The following LSAMP variants were observed in gnomAD, a reference collection of about 807,000 sequenced individuals.
The protein encoded by LSAMP is limbic system associated membrane protein.
LSAMP carries 7 observed loss-of-function variants against 38.6 expected under a neutral mutation model. The ratio of observed to expected loss-of-function variants is 0.18; its 90% confidence interval spans 0.10 to 0.34. The LOEUF (loss-of-function observed/expected upper bound fraction) is 0.34, where lower values mean the gene tolerates loss of function less well. Ranked by LOEUF, LSAMP falls within the 10% of genes least tolerant of loss-of-function variation. The pLI is 1.00. For missense variants in LSAMP, 313 were observed against 420.0 expected, an observed-to-expected ratio of 0.75 and a Z score of 2.23; for synonymous variants, 154 against 166.8, an observed-to-expected ratio of 0.92 and a Z score of 0.59.
chr3:115,989,948 C>T (rs1939619980), intron 3 of LSAMP, among the ~76,000 whole-genome samples: 1 of 151,974 alleles, frequency 6.6e-6, no homozygotes, highest in African/African-American at 2.4e-5. Context: ...AAAAGAACAA[C>T]CCGTGTACAT....
At chr3:116,085,257 C>A (rs1458134338) in intron 2 of LSAMP, among the ~76,000 whole-genome samples, 2 of 152,126 alleles carry the variant, frequency 1.3e-5, no homozygotes, top group African/African-American at 4.8e-5. Context: ...AGAGGCCACA[C>A]GACTAAAGCA....
intron 3 of LSAMP, among the ~76,000 whole-genome samples, chr3:115,947,492 C>T (rs1302016205): frequency 6.6e-6 from 1 of 152,062 alleles, no homozygotes; most frequent in Non-Finnish European, 1.5e-5. Flanking sequence ...TTTATGGTGA[C>T]AGTATTTATG....
chr3:116,261,974 G>C (rs947176513), intron 1 of LSAMP, among the ~76,000 whole-genome samples: 1 of 151,462 alleles, frequency 6.6e-6, no homozygotes, highest in African/African-American at 2.4e-5. Context: ...AGTTGAGCAA[G>C]GGTTTTTATA....
chr3:116,145,333 A>AAGAG (rs879422635), intron 1 of LSAMP, among the ~76,000 whole-genome samples: 1 of 150,860 alleles, frequency 6.6e-6, no homozygotes, highest in African/African-American at 2.4e-5. Context: ...TATATATGGA[A>AAGAG]AGAGAGAGAG....
rs920694610 is a variant in LSAMP, at chr3:116,411,519, C to T, written c.155+33358G>A. Among the ~76,000 whole-genome samples, 7 of 149,908 alleles carry T rather than the reference C, an allele frequency of 4.7e-5. No homozygotes were observed. The Admixed American group carries it at 4.7e-4, about 10-fold the overall frequency. ...GAAATCATCATTCTCAGTAAACTAT[C>T]ACAAGGACAAAAAACCAAACACCGC... On this transcript the variant is annotated intron_variant, in intron 1 of 6. Coordinates refer to ENST00000490035, the MANE Select transcript of LSAMP (RefSeq NM_002338.5).
intron 1 of LSAMP, among the ~76,000 whole-genome samples, chr3:116,426,253 G>A (rs578083711): frequency 1.3e-5 from 2 of 152,178 alleles, no homozygotes; most frequent in South Asian, 2.1e-4. Context: ...TTGGGAGACC[G>A]AGCCGGGTGG....
chr3:115,859,697 A>G (rs1020601145), intron 3 of LSAMP, among the ~76,000 whole-genome samples: 1 of 152,236 alleles, frequency 6.6e-6, no homozygotes, highest in African/African-American at 2.4e-5. Context: ...GGCCAAATGA[A>G]AAAGAACATC....
At position 115,907,605 on chromosome 3, in the gene LSAMP, C is replaced by T. The variant is rs111846243; in HGVS notation, c.515-54988G>A. 3.4e-3 allele frequency among the ~76,000 whole-genome samples: 512 copies of T among 152,240 alleles called. 2 individuals are homozygous for T. Among genetic ancestry groups the T allele is most frequent in the African/African-American group, 0.012 (483 of 41,562 alleles). Reference sequence around the variant, plus strand: ...ATTCATCTCCTGACTTTGATCTCTTCGGGCTACTTCCCCAGTCAGACCCAT... The same window carrying T: ...ATTCATCTCCTGACTTTGATCTCTTTGGGCTACTTCCCCAGTCAGACCCAT... On this transcript the variant is annotated intron_variant, in intron 3 of 6. Coordinates refer to ENST00000490035, the MANE Select transcript of LSAMP (RefSeq NM_002338.5).
chr3:115,940,007 G>A (rs758120872), intron 3 of LSAMP, among the ~76,000 whole-genome samples: 3 of 152,042 alleles, frequency 2.0e-5, no homozygotes, highest in Non-Finnish European at 4.4e-5. Flanking sequence ...GTGGGTTCGT[G>A]GTCTCACAGA....
At chr3:116,103,382 T>G (rs1484205586) in intron 1 of LSAMP, among the ~76,000 whole-genome samples, 1 of 150,186 alleles carries the variant, frequency 6.7e-6, no homozygotes, top group Non-Finnish European at 1.5e-5. Context: ...ACAGAATCGC[T>G]TGAACCTGGG....
intron 3 of LSAMP, among the ~76,000 whole-genome samples, chr3:115,885,265 A>C (rs1936422769): frequency 6.6e-6 from 1 of 151,834 alleles, no homozygotes; most frequent in South Asian, 2.1e-4. Context: ...TCTTTAGGAG[A>C]GAGATTTATA....
At chr3:116,328,529 C>A (rs1301440445) in intron 1 of LSAMP, among the ~76,000 whole-genome samples, 1 of 152,130 alleles carries the variant, frequency 6.6e-6, no homozygotes, top group Non-Finnish European at 1.5e-5. Context: ...CTTCCATAAT[C>A]ATTAATTATT....
At chr3:115,985,717 T>C (rs146804484) in intron 3 of LSAMP, among the ~76,000 whole-genome samples, 29 of 152,298 alleles carry the variant, frequency 1.9e-4, no homozygotes, top group Middle Eastern at 3.4e-3. Flanking sequence ...CCCTGGGGCT[T>C]TTCTACTGGA....
chr3:115,863,721 A>G (rs1935778880), intron 3 of LSAMP, among the ~76,000 whole-genome samples: 1 of 151,912 alleles, frequency 6.6e-6, no homozygotes, highest in Non-Finnish European at 1.5e-5. Context: ...AATTTCTGAC[A>G]TAGATTATAT....
At chr3:116,295,900 T>C (rs2047326404) in intron 1 of LSAMP, among the ~76,000 whole-genome samples, 1 of 152,238 alleles carries the variant, frequency 6.6e-6, no homozygotes, top group East Asian at 1.9e-4. Flanking sequence ...TATTTGTGCC[T>C]TTAGAATAGT....
At position 115,807,698 on chromosome 3, in the gene LSAMP, T is replaced by A. The variant is rs1354046655; in HGVS notation, c.*2619A>T. On this transcript the variant is annotated 3_prime_UTR_variant, in exon 7 of 7. Transcript: ENST00000490035. ...ATGCGCTTTTCTAAAGCCACACACT[T>A]AAGTGTGTGACTGCCTCTTCAATTT... 6.6e-6 allele frequency: 1 copy of A among 152,160 alleles called. No homozygotes were observed. Among genetic ancestry groups the A allele is most frequent in the African/African-American group, 2.4e-5 (1 of 41,446 alleles). 9.4% of individuals were successfully genotyped at this position (152,160 alleles called of 1,614,324 possible). A position where few individuals can be genotyped will look rare whatever the true frequency, so the allele number is the denominator to read the frequency against.
intron 1 of LSAMP, among the ~76,000 whole-genome samples, chr3:116,354,458 G>A (rs2048192313): frequency 6.6e-6 from 1 of 152,170 alleles, no homozygotes; most frequent in Non-Finnish European, 1.5e-5. Flanking sequence ...AAACATTGTT[G>A]TGAGTTAGTC....
intron 3 of LSAMP, among the ~76,000 whole-genome samples, chr3:115,860,744 G>T (rs1009071375): frequency 6.6e-6 from 1 of 152,196 alleles, no homozygotes; most frequent in Middle Eastern, 3.2e-3. Context: ...AGACAGTGTA[G>T]AGTAGACTTA....
rs867392827 is a variant in LSAMP, at chr3:116,089,840, A to G, written c.156-3284T>C. On this transcript the variant is annotated intron_variant, in intron 1 of 6. Transcript: ENST00000490035. ...AATAAAAAGGAAACCACTTCTCCAG[A>G]TCTTTCAGGGTTCCTTTTTATGTAC... Among the ~76,000 whole-genome samples, 3 of 152,074 alleles carry G rather than the reference A, an allele frequency of 2.0e-5. No individual in the cohort carries two copies. In the South Asian group the frequency reaches 6.2e-4, roughly 31 times the overall value.
Sources: allele counts gnomAD v4.1 joint callset (sites outside exome capture counted in the v4.1 genomes callset), GRCh38; gene constraint gnomAD v4.1.1; transcripts MANE v1.5; gene names NCBI Gene and HGNC (gene_info 2026-07-23, HGNC 2026-07-21).